WDR35: variants seen among roughly 807,000 people sequenced by gnomAD.
WDR35 encodes WD repeat-containing protein 35.
Under a neutral mutation model 158.3 loss-of-function variants are expected in WDR35, and 118 were observed. The ratio of observed to expected loss-of-function variants is 0.75; its 90% CI spans 0.64 to 0.87. The LOEUF is 0.87. WDR35 is among the 40% of genes least tolerant of loss of function. WDR35 has a pLI of 0.00. For missense variants in WDR35, 1,263 were observed against 1,405.8 expected (o/e 0.90, Z 1.62); for synonymous variants, 448 against 476.1 (o/e 0.94, Z 0.77).
chr2:19,910,669 G>A lies in WDR35; in HGVS notation c.*2889C>T, dbSNP rs1669802077. 6.6e-6 allele frequency: 1 copy of A among 152,126 alleles called. No individual in the cohort carries two copies. The highest frequency in any genetic ancestry group is 1.5e-5 in the Non-Finnish European group (1 of 68,028). The allele number at this position is 152,126 out of a possible 1,614,324, so 9.4% of individuals were successfully genotyped here. On this transcript the variant is annotated 3_prime_UTR_variant, in exon 27 of 27. Coordinates refer to ENST00000281405, the MANE Select transcript of WDR35 (RefSeq NM_020779.4). Reference sequence around the variant, plus strand: ...TTCTGTTTATGCAACTTCTCACCAGGTAATTGTTTTTTATGGTCAGTTTTG... The same window carrying A: ...TTCTGTTTATGCAACTTCTCACCAGATAATTGTTTTTTATGGTCAGTTTTG...
At position 19,937,807 on chromosome 2, in the gene WDR35, C is replaced by T; in HGVS notation, c.2203G>A (p.Glu735Lys). Residue 735 changes from glutamate to lysine, a missense_variant, in exon 19 of 27, where the codon GAA (glutamate) becomes AAA (lysine). Coordinates refer to ENST00000281405, the MANE Select transcript of WDR35 (RefSeq NM_020779.4). ...KLLSESMKQAEVVGYFGRFEE... is the reference protein window; with the variant it reads ...KLLSESMKQAKVVGYFGRFEE... ...AACCTGCCGAAGTAGCCAACAACTT[C>T]AGCCTGTTTCATTGACTCACTCAGT... 6.2e-7 allele frequency: 1 copy of T among 1,614,150 alleles called. No individual in the cohort carries two copies. Among genetic ancestry groups the T allele is most frequent in the Non-Finnish European group, 8.5e-7 (1 of 1,180,006 alleles).
At chr2:19,961,281 G>A (rs567215753) in intron 10 of WDR35, among the ~76,000 whole-genome samples, 28 of 152,178 alleles carry the variant, frequency 1.8e-4, no homozygotes, top group African/African-American at 6.0e-4. Flanking sequence ...TGCAACAGCA[G>A]ACCATCCATG....
chr2:19,974,680 C>A, intron 6 of WDR35, 47 bp from the exon 7 acceptor site: 1 of 1,546,416 alleles, frequency 6.5e-7, no homozygotes, highest in Non-Finnish European at 8.9e-7. Context: ...TAAAACACAG[C>A]AGTATAGAGA....
At chr2:19,942,980 T>G (rs1572334778) in intron 16 of WDR35, among the ~76,000 whole-genome samples, 1 of 152,202 alleles carries the variant, frequency 6.6e-6, no homozygotes, top group East Asian at 1.9e-4. Context: ...CCTCATAATA[T>G]GTGCCATATA....
chr2:19,973,967 A>G (rs1572361141), intron 7 of WDR35, among the ~76,000 whole-genome samples: 1 of 141,754 alleles, frequency 7.1e-6, no homozygotes, highest in South Asian at 2.1e-4. Context: ...AATTAGCTGG[A>G]GGAGTTGGTG....
At chr2:19,943,032 C>T (rs772286984) in intron 16 of WDR35, among the ~76,000 whole-genome samples, 9 of 152,018 alleles carry the variant, frequency 5.9e-5, no homozygotes, top group Non-Finnish European at 1.2e-4. Flanking sequence ...ACAATTTTAG[C>T]ATATTGTGAT....
chr2:19,963,794 G>C (rs552687430), intron 10 of WDR35, among the ~76,000 whole-genome samples: 1 of 151,984 alleles, frequency 6.6e-6, no homozygotes, highest in South Asian at 2.1e-4. Flanking sequence ...GCCCAGGCTG[G>C]AGTGCAGTGG....
At chr2:19,951,561 G>T in intron 12 of WDR35, 77 bp from the exon 13 acceptor site, 1 of 1,122,416 alleles carries the variant, frequency 8.9e-7, no homozygotes, top group Non-Finnish European at 1.3e-6. Context: ...ATAAACGATT[G>T]GACAACATCA....
At chr2:19,950,998 T>C (rs890709236) in intron 13 of WDR35, among the ~76,000 whole-genome samples, 1 of 152,200 alleles carries the variant, frequency 6.6e-6, no homozygotes, top group Non-Finnish European at 1.5e-5. Context: ...ATTATATTAG[T>C]TTGTAAACAG....
intron 25 of WDR35, among the ~76,000 whole-genome samples, chr2:19,919,380 C>CAAAAAAAAAAAAAAAAAA: frequency 2.1e-5 from 1 of 48,230 alleles, no homozygotes; most frequent in Non-Finnish European, 4.3e-5. Context: ...GGCTCCATCT[C>CAAAAAAAAAAAAAAAAAA]AAAAAAAAAA....
chr2:19,935,646 T>C (rs1371534659), intron 20 of WDR35, 43 bp from the exon 21 acceptor site: 16 of 1,600,238 alleles, frequency 1.0e-5, no homozygotes, highest in African/African-American at 2.7e-5. Flanking sequence ...CTAATGTGAA[T>C]CTCCTGATAA....
chr2:19,951,125 G>T (rs1402861353), intron 13 of WDR35, among the ~76,000 whole-genome samples: 1 of 152,180 alleles, frequency 6.6e-6, no homozygotes, highest in East Asian at 1.9e-4. Context: ...TAAAGAGATA[G>T]ACAGATGGGA....
chr2:19,951,492 A>G lies in WDR35; in HGVS notation c.1401-8T>C, dbSNP rs1206496649. On this transcript the variant is annotated splice_polypyrimidine_tract_variant and splice_region_variant and intron_variant, in intron 12 of 26. Coordinates refer to ENST00000281405, the MANE Select transcript of WDR35 (RefSeq NM_020779.4). ...TCATCAACATGATAAATTCTGCAAA[A>G]AAGATCAGAATTTCAAAGAAAGTTT... 5 of 1,606,412 alleles carry G rather than the reference A, an allele frequency of 3.1e-6. No individual in the cohort carries two copies. Among genetic ancestry groups the G allele is most frequent in the Non-Finnish European group, 4.3e-6 (5 of 1,174,742 alleles).
chr2:19,956,652 G>A (rs1320774319), intron 11 of WDR35, among the ~76,000 whole-genome samples: 2 of 129,890 alleles, frequency 1.5e-5, no homozygotes, highest in Non-Finnish European at 3.1e-5. Context: ...ACGGAGTTTC[G>A]CTCTGTCGCC....
intron 4 of WDR35, among the ~76,000 whole-genome samples, chr2:19,979,784 C>T (rs915775339): frequency 3.3e-5 from 5 of 151,790 alleles, no homozygotes; most frequent in African/African-American, 1.2e-4. Context: ...CACACACACA[C>T]ACACACACAC....
chr2:19,946,289 C>T (rs575167825), intron 15 of WDR35, among the ~76,000 whole-genome samples, 172 bp downstream of exon 15: 7 of 152,262 alleles, frequency 4.6e-5, no homozygotes, highest in South Asian at 2.1e-4. Context: ...TACTTCCACA[C>T]GCCCAATTAA....
chr2:19,922,480 A>C (rs1456892573), intron 25 of WDR35, among the ~76,000 whole-genome samples: 1 of 151,822 alleles, frequency 6.6e-6, no homozygotes, highest in East Asian at 1.9e-4. Flanking sequence ...CAGAAAACCA[A>C]ACACCTCAGG....
chr2:19,973,369 T>G (rs1390222541), intron 8 of WDR35, among the ~76,000 whole-genome samples, 194 bp downstream of exon 8: 3 of 152,108 alleles, frequency 2.0e-5, no homozygotes, highest in African/African-American at 4.8e-5. Context: ...AATTGTAATT[T>G]TTATTTTATA....
At chr2:19,930,251 G>T in intron 25 of WDR35, 145 bp downstream of exon 25, 1 of 1,176,280 alleles carries the variant, frequency 8.5e-7, no homozygotes, top group Non-Finnish European at 1.2e-6. Context: ...TCAAAAATGG[G>T]AATGCATAAG....
Sources: allele counts gnomAD v4.1 joint callset (sites outside exome capture counted in the v4.1 genomes callset), GRCh38; gene constraint gnomAD v4.1.1; transcripts MANE v1.5; gene names NCBI Gene and HGNC (gene_info 2026-07-23, HGNC 2026-07-21).